The following COG5 variants were observed in gnomAD, a reference collection of about 807,000 sequenced individuals.
COG5 encodes the protein component of oligomeric golgi complex 5, also known as conserved oligomeric Golgi complex subunit 5.
Under a neutral mutation model 110.4 loss-of-function variants are expected in COG5, and 86 were observed. That is an observed-to-expected ratio of 0.78 (90% CI 0.65 to 0.93). COG5 has a LOEUF of 0.93. Among genes scored for constraint, COG5 ranks in the 40% least tolerant of loss-of-function variants. The probability of loss-of-function intolerance (pLI) is 0.00; values close to 1 mark genes in which losing one functional copy is unlikely to be tolerated. For synonymous variants in COG5, 360 were observed against 334.6 expected, an observed-to-expected ratio of 1.08 and a Z score of -0.83; for missense variants, 1,077 against 987.0, an observed-to-expected ratio of 1.09 and a Z score of -1.22.
In COG5 at chr7:107,327,378, G is replaced by C. The variant is rs112224306; in HGVS notation, c.1027-2857C>G. Among the ~76,000 whole-genome samples, 10 of 152,168 alleles carry C rather than the reference G, an allele frequency of 6.6e-5. 3 individuals are homozygous for C. Among genetic ancestry groups the C allele is most frequent in the African/African-American group, 2.4e-4 (10 of 41,522 alleles). On this transcript the variant is annotated intron_variant, in intron 10 of 21. Coordinates refer to ENST00000297135, the MANE Select transcript of COG5 (RefSeq NM_006348.5). ...ATAGGAGAAAAGCTCTGTGACACTGGATTTGGCAATAATTCTTGTATAGGA... is the reference window on the plus strand; with the variant it reads ...ATAGGAGAAAAGCTCTGTGACACTGCATTTGGCAATAATTCTTGTATAGGA...
chr7:107,355,967 T>C lies in COG5; in HGVS notation c.1026+6066A>G, dbSNP rs907365439. 2.6e-5 allele frequency among the ~76,000 whole-genome samples: 4 copies of C among 152,316 alleles called. No homozygotes were observed. In the Middle Eastern group the frequency reaches 0.014, roughly 518 times the overall value. ...GAAGTCCACAGTTTACACATTAGAG[T>C]TTGCTCTTAGCACGGTATAGTCCCA... On this transcript the variant is annotated intron_variant, in intron 10 of 21. Transcript: ENST00000297135.
chr7:107,404,845 T>C (rs1791692688), intron 7 of COG5, among the ~76,000 whole-genome samples: 1 of 127,832 alleles, frequency 7.8e-6, no homozygotes, highest in Admixed American at 1.0e-4. Flanking sequence ...AGATGGTTGA[T>C]GGAAAGTAAA....
chr7:107,340,097 A>G (rs1031489070), intron 10 of COG5, among the ~76,000 whole-genome samples: 2 of 152,184 alleles, frequency 1.3e-5, no homozygotes, highest in South Asian at 2.1e-4. Flanking sequence ...TGGTTCTTTG[A>G]AAGAGTAATA....
intron 10 of COG5, among the ~76,000 whole-genome samples, chr7:107,354,019 AT>A (rs1254363937): frequency 9.9e-5 from 15 of 152,190 alleles, no homozygotes; most frequent in Non-Finnish European, 1.9e-4. Flanking sequence ...CCAAATGTTT[AT>A]TTTTTGTCTG....
intron 14 of COG5, among the ~76,000 whole-genome samples, chr7:107,271,849 T>C (rs563287313): frequency 2.6e-5 from 4 of 152,316 alleles, no homozygotes; most frequent in Admixed American, 6.5e-5. Context: ...TGAGATCTTT[T>C]TTCCTTCCCA....
intron 10 of COG5, 139 bp downstream of exon 10, chr7:107,361,894 A>C (rs1391138165): frequency 1.5e-6 from 1 of 652,124 alleles, no homozygotes. Context: ...GAACATTATT[A>C]TAGTTGTCAA....
At chr7:107,417,648 CT>C (rs1388768232) in intron 6 of COG5, among the ~76,000 whole-genome samples, 1 of 152,116 alleles carries the variant, frequency 6.6e-6, no homozygotes, top group Non-Finnish European at 1.5e-5. Context: ...GGCTATACTA[CT>C]TTATATGCTT....
chr7:107,320,639 G>C (rs975797019), intron 11 of COG5, among the ~76,000 whole-genome samples: 1 of 152,146 alleles, frequency 6.6e-6, no homozygotes, highest in Non-Finnish European at 1.5e-5. Flanking sequence ...TTGCAGGTTA[G>C]GTTGGTCAGT....
intron 14 of COG5, among the ~76,000 whole-genome samples, chr7:107,278,512 T>C (rs139111653): frequency 0.023 from 3,442 of 152,222 alleles, 58 homozygotes; most frequent in Non-Finnish European, 0.036. Flanking sequence ...TGGGTGAGAA[T>C]ATGCAGTGTT....
intron 5 of COG5, among the ~76,000 whole-genome samples, chr7:107,544,270 C>T (rs1359984466): frequency 1.3e-5 from 2 of 152,144 alleles, no homozygotes; most frequent in Non-Finnish European, 2.9e-5. Context: ...AGGCTCCAGG[C>T]CCATCCCCAA....
intron 7 of COG5, among the ~76,000 whole-genome samples, chr7:107,383,207 A>C (rs1473172681): frequency 6.6e-6 from 1 of 151,198 alleles, no homozygotes; most frequent in African/African-American, 2.4e-5. Flanking sequence ...ACTCAATTAC[A>C]CAGTTTCACC....
Position 107,306,332 on chromosome 7 carries a change from C to T in COG5, c.1109-7986G>A, listed in dbSNP as rs79639147. Reference sequence around the variant, plus strand: ...TTTTTCATCATTCTTTCTGCTTTAGCCACTGAAGTGGGTAATAATTTTTAG... The same window carrying T: ...TTTTTCATCATTCTTTCTGCTTTAGTCACTGAAGTGGGTAATAATTTTTAG... On this transcript the variant is annotated intron_variant, in intron 11 of 21. Coordinates refer to ENST00000297135, the MANE Select transcript of COG5 (RefSeq NM_006348.5). 9.1e-3 allele frequency among the ~76,000 whole-genome samples: 1,387 copies of T among 152,162 alleles called. 30 individuals carry two copies. Among genetic ancestry groups the T allele is most frequent in the African/African-American group, 0.03 (1,242 of 41,512 alleles).
chr7:107,259,334 G>A (rs1292296731), intron 14 of COG5, among the ~76,000 whole-genome samples: 1 of 152,070 alleles, frequency 6.6e-6, no homozygotes, highest in Non-Finnish European at 1.5e-5. Flanking sequence ...GTTCTAAGGT[G>A]GTGGCCTGAA....
intron 8 of COG5, among the ~76,000 whole-genome samples, chr7:107,367,123 A>G (rs1235090007): frequency 6.6e-6 from 1 of 152,044 alleles, no homozygotes; most frequent in African/African-American, 2.4e-5. Context: ...GTGGGGGAAG[A>G]AAAACATTAT....
intron 6 of COG5, chr7:107,471,990 T>A (rs1280908706): frequency 6.6e-6 from 1 of 152,006 alleles, no homozygotes; most frequent in Non-Finnish European, 1.5e-5. Flanking sequence ...AGATTTACAA[T>A]GGTAACAAAA....
intron 11 of COG5, among the ~76,000 whole-genome samples, chr7:107,301,855 T>G (rs1470005253): frequency 6.6e-6 from 1 of 151,822 alleles, no homozygotes; most frequent in Non-Finnish European, 1.5e-5. Flanking sequence ...GGCAACATAG[T>G]GAGACTCTGC....
At chr7:107,217,224 A>G (rs531222732) in intron 19 of COG5, among the ~76,000 whole-genome samples, 2 of 152,286 alleles carry the variant, frequency 1.3e-5, no homozygotes, top group African/African-American at 4.8e-5. Context: ...CAGACCAATA[A>G]TGAGTAAAGA....
At chr7:107,355,957 C>T (rs1023181756) in intron 10 of COG5, among the ~76,000 whole-genome samples, 2 of 152,202 alleles carry the variant, frequency 1.3e-5, no homozygotes, top group East Asian at 3.9e-4. Flanking sequence ...CCACAGTTTA[C>T]ACATTAGAGT....
rs537126818 is a variant in COG5 at position 107,486,410 on chromosome 7, T to C, written c.538+40827A>G. Among the ~76,000 whole-genome samples the C allele has an allele frequency of 2.0e-5, 3 of 151,778 alleles. No individual in the cohort carries two copies. The South Asian group carries it at 6.3e-4, about 32-fold the overall frequency. On this transcript the variant is annotated intron_variant, in intron 6 of 21. Transcript: ENST00000297135. ...CATCACCGAGACTTAAAATACAACA[T>C]AATATATAACAGAAAACAATTCAAA...
Sources: allele counts gnomAD v4.1 joint callset (sites outside exome capture counted in the v4.1 genomes callset), GRCh38; gene constraint gnomAD v4.1.1; transcripts MANE v1.5; gene names NCBI Gene and HGNC (gene_info 2026-07-23, HGNC 2026-07-21).